The following DDC variants were observed in gnomAD, a reference collection of about 807,000 sequenced individuals.
DDC encodes aromatic-L-amino-acid decarboxylase.
DDC carries 43 observed loss-of-function variants against 60.0 expected under a neutral mutation model. The observed-to-expected ratio is 0.72, with a 90% confidence interval of 0.56 to 0.92. The LOEUF (loss-of-function observed/expected upper bound fraction) is 0.92, where lower values mean the gene tolerates loss of function less well. DDC is among the 40% of genes least tolerant of loss of function. The pLI, the probability that DDC is intolerant of heterozygous loss-of-function variation, is 0.00. For synonymous variants in DDC, 232 were observed against 234.6 expected (o/e 0.99, Z 0.10); for missense variants, 573 against 620.2 (o/e 0.92, Z 0.81).
intron 9 of DDC, among the ~76,000 whole-genome samples, chr7:50,494,661 T>C (rs866538181): frequency 6.6e-6 from 1 of 151,376 alleles, no homozygotes; most frequent in Middle Eastern, 3.4e-3. Flanking sequence ...CTATTATTTT[T>C]CTTTCGCGAA....
chr7:50,498,430 G>A (rs1480164995), intron 8 of DDC, among the ~76,000 whole-genome samples: 1 of 152,186 alleles, frequency 6.6e-6, no homozygotes, highest in East Asian at 1.9e-4. Context: ...GACCCTCTAT[G>A]GCATTCAAAG....
chr7:50,466,900 T>C (rs2042411364), intron 13 of DDC, among the ~76,000 whole-genome samples: 1 of 152,244 alleles, frequency 6.6e-6, no homozygotes, highest in Non-Finnish European at 1.5e-5. Context: ...GACAGGCCGC[T>C]GTCCTCCAAG....
chr7:50,465,712 A>G (rs898348491), intron 13 of DDC, among the ~76,000 whole-genome samples: 1 of 152,262 alleles, frequency 6.6e-6, no homozygotes, highest in African/African-American at 2.4e-5. Flanking sequence ...TTATATCTCA[A>G]TAGAACTGTT....
chr7:50,467,168 C>A, intron 13 of DDC, 46 bp downstream of exon 13: 1 of 1,500,400 alleles, frequency 6.7e-7, no homozygotes, highest in Non-Finnish European at 9.3e-7. Context: ...ACTTTCCCCT[C>A]TGTCACATTC....
intron 5 of DDC, 139 bp downstream of exon 5, chr7:50,529,069 T>C (rs2044122048): frequency 1.8e-6 from 2 of 1,122,698 alleles, no homozygotes; most frequent in Non-Finnish European, 2.7e-6. Context: ...CCCTTCCCTG[T>C]AGTTCAGGTC....
intron 6 of DDC, among the ~76,000 whole-genome samples, chr7:50,509,873 A>T (rs565625628): frequency 1.3e-5 from 2 of 152,250 alleles, no homozygotes; most frequent in Non-Finnish European, 2.9e-5. Context: ...AAAAAAACCC[A>T]TCTCTTTCAT....
At chr7:50,463,491 G>T in intron 13 of DDC, 60 bp from the exon 14 acceptor site, 6 of 1,445,228 alleles carry the variant, frequency 4.2e-6, no homozygotes, top group Non-Finnish European at 5.8e-6. Context: ...AAATCAACTG[G>T]TCATGTAGGA....
intron 13 of DDC, among the ~76,000 whole-genome samples, chr7:50,465,122 A>T (rs2042366393): frequency 6.6e-6 from 1 of 152,274 alleles, no homozygotes; most frequent in South Asian, 2.1e-4. Context: ...CAAATAAAAT[A>T]AAAGCCATAA....
intron 6 of DDC, among the ~76,000 whole-genome samples, chr7:50,509,150 T>C (rs1257729231): frequency 2.0e-5 from 3 of 151,800 alleles, no homozygotes; most frequent in Non-Finnish European, 4.4e-5. Context: ...AAAGGGACCA[T>C]GGCTCGCCAC....
chr7:50,540,061 T>G, intron 2 of DDC, 33 bp from the exon 3 acceptor site: 1 of 1,561,960 alleles, frequency 6.4e-7, no homozygotes, highest in Non-Finnish European at 8.8e-7. Context: ...TGCTGAGGAG[T>G]GAGGAAAGCC....
intron 9 of DDC, among the ~76,000 whole-genome samples, chr7:50,491,744 TCATTGACTATTC>T (rs1215833750): frequency 2.6e-5 from 4 of 152,196 alleles, no homozygotes; most frequent in African/African-American, 9.7e-5. Flanking sequence ...GACAAATATA[TCATTGACTATTC>T]CTCTACCTGC....
At chr7:50,504,711 G>A (rs899808397) in intron 6 of DDC, among the ~76,000 whole-genome samples, 1 of 152,104 alleles carries the variant, frequency 6.6e-6, no homozygotes. Flanking sequence ...GTGTGTGTCT[G>A]TGTGTGTGCA....
At chr7:50,492,633 G>T in intron 9 of DDC, 1 of 1,109,042 alleles carries the variant, frequency 9.0e-7, no homozygotes, top group Non-Finnish European at 1.1e-6. Flanking sequence ...TCCAGACACC[G>T]CAGGCCTCTC....
chr7:50,507,664 G>C (rs2043438473), intron 6 of DDC, among the ~76,000 whole-genome samples: 1 of 152,094 alleles, frequency 6.6e-6, no homozygotes, highest in Non-Finnish European at 1.5e-5. Flanking sequence ...TTAAGATTTT[G>C]GTTAACATAA....
chr7:50,511,156 A>T (rs2043565978), intron 6 of DDC, among the ~76,000 whole-genome samples: 1 of 151,400 alleles, frequency 6.6e-6, no homozygotes. Context: ...ATACAAATAC[A>T]TACATATATG....
intron 14 of DDC, among the ~76,000 whole-genome samples, chr7:50,462,226 C>CAAAAAAAAAAAAAAAAAAAAA (rs11410259): frequency 4.4e-4 from 33 of 75,348 alleles, no homozygotes; most frequent in South Asian, 5.8e-4. Flanking sequence ...GACAAAAAGA[C>CAAAAAAAAAAAAAAAAAAAAA]AAAAAAAAAA....
chr7:50,511,049 C>CTA (rs146390731), intron 6 of DDC, among the ~76,000 whole-genome samples: 20,572 of 83,498 alleles, frequency 0.25, 1,834 homozygotes, highest in South Asian at 0.33. Flanking sequence ...TAGGATATAT[C>CTA]TATACACACA....
At chr7:50,460,187 G>A (rs1175372361) in intron 14 of DDC, among the ~76,000 whole-genome samples, 4 of 145,832 alleles carry the variant, frequency 2.7e-5, no homozygotes, top group African/African-American at 1.0e-4. Context: ...AAGGAGGTGG[G>A]GGGGTCAGCC....
chr7:50,467,067 A>C lies in DDC; in HGVS notation c.1242+147T>G, dbSNP rs537427358. ...GAAACAAGGCTGTGTAGCATGGGGC[A>C]GGGCAGGCCGGTGGGCCAAAGAATG... On this transcript the variant is annotated intron_variant, in intron 13 of 14. Transcript: ENST00000444124. 2.7e-5 allele frequency: 21 copies of C among 791,180 alleles called. No individual in the cohort carries two copies. The African/African-American group carries it at 2.9e-4, about 11-fold the overall frequency. 49.0% of individuals were successfully genotyped at this position (791,180 alleles called of 1,614,324 possible).
Sources: allele counts gnomAD v4.1 joint callset (sites outside exome capture counted in the v4.1 genomes callset), GRCh38; gene constraint gnomAD v4.1.1; transcripts MANE v1.5; gene names NCBI Gene and HGNC (gene_info 2026-07-23, HGNC 2026-07-21).